The following VPS13B variants were observed in gnomAD, a reference collection of about 807,000 sequenced individuals.
The protein encoded by VPS13B is intermembrane lipid transfer protein VPS13B.
In VPS13B, 285 loss-of-function variants were observed where a neutral mutation model predicts 426.4. The observed-to-expected ratio is 0.67, with a 90% CI of 0.61 to 0.74. The LOEUF (loss-of-function observed/expected upper bound fraction) is 0.74, where lower values mean the gene tolerates loss of function less well. VPS13B is among the 30% of genes least tolerant of loss of function. VPS13B has a pLI of 0.00. For missense variants in VPS13B, 4,537 were observed against 4,782.6 expected (o/e 0.95, Z 1.51); for synonymous variants, 1,676 against 1,676.4 (o/e 1.00, Z 0.01).
At chr8:99,300,193 T>G (rs576514814) in intron 19 of VPS13B, among the ~76,000 whole-genome samples, 1 of 152,282 alleles carries the variant, frequency 6.6e-6, no homozygotes, top group Admixed American at 6.5e-5. Context: ...CACAACATTT[T>G]GAGGTTTTCA....
chr8:99,755,035 T>A (rs1238879837), intron 39 of VPS13B, among the ~76,000 whole-genome samples: 2 of 152,088 alleles, frequency 1.3e-5, no homozygotes, highest in African/African-American at 4.8e-5. Flanking sequence ...AAAACGGGAA[T>A]GAGATGTCCA....
intron 39 of VPS13B, among the ~76,000 whole-genome samples, chr8:99,752,994 C>G (rs1276858315): frequency 6.6e-6 from 1 of 152,086 alleles, no homozygotes; most frequent in African/African-American, 2.4e-5. Context: ...TCTGGAATCT[C>G]CAGGAGTCCC....
At chr8:99,514,188 T>C (rs1821938829) in intron 29 of VPS13B, among the ~76,000 whole-genome samples, 2 of 152,196 alleles carry the variant, frequency 1.3e-5, no homozygotes, top group Non-Finnish European at 2.9e-5. Flanking sequence ...TGGATAGGTC[T>C]TATTTATAGT....
rs374564734 is a variant in VPS13B, at chr8:99,809,552, A to G, written c.8097+22A>G. On this transcript the variant is annotated intron_variant, in intron 44 of 61. Transcript: ENST00000357162. ...ACAGGTAAGTTTCTTTGTGTTCATGACCCAGACACCTCTTAATTATTCAGT... is the reference window on the plus strand; with the variant it reads ...ACAGGTAAGTTTCTTTGTGTTCATGGCCCAGACACCTCTTAATTATTCAGT... 17 of 1,613,606 alleles carry G rather than the reference A, an allele frequency of 1.1e-5. No homozygotes were observed. In the African/African-American group the frequency reaches 2.0e-4, roughly 19 times the overall value.
intron 33 of VPS13B, among the ~76,000 whole-genome samples, chr8:99,583,116 C>A (rs1032340508): frequency 6.6e-6 from 1 of 152,158 alleles, no homozygotes; most frequent in Non-Finnish European, 1.5e-5. Flanking sequence ...GCTTTTCCCC[C>A]CAGAGCCATT....
intron 17 of VPS13B, chr8:99,234,008 C>A (rs1816501936): frequency 2.6e-6 from 2 of 774,916 alleles, no homozygotes; most frequent in Admixed American, 1.7e-5. Flanking sequence ...TATGGTCAAG[C>A]CCTCCTTTCA....
At chr8:99,381,656 A>G (rs775130061) in intron 19 of VPS13B, among the ~76,000 whole-genome samples, 1 of 151,960 alleles carries the variant, frequency 6.6e-6, no homozygotes. Flanking sequence ...CTAATGATCA[A>G]TGATGTTGAG....
chr8:99,816,372 G>T (rs1355046812), intron 44 of VPS13B, among the ~76,000 whole-genome samples: 1 of 152,062 alleles, frequency 6.6e-6, no homozygotes, highest in Non-Finnish European at 1.5e-5. Context: ...AAACTGCTGG[G>T]ATTACAGGCG....
chr8:99,709,971 G>T (rs559181205), intron 36 of VPS13B, among the ~76,000 whole-genome samples: 1 of 152,232 alleles, frequency 6.6e-6, no homozygotes, highest in East Asian at 1.9e-4. Flanking sequence ...AGAATTTAAA[G>T]TTTTTAAAAA....
intron 5 of VPS13B, 108 bp from the exon 6 acceptor site, chr8:99,110,990 C>G: frequency 1.2e-6 from 1 of 847,408 alleles, no homozygotes. Context: ...CTCCATGAAT[C>G]TTATTTTCTG....
chr8:99,157,710 T>TGAA (rs916631736), intron 15 of VPS13B, among the ~76,000 whole-genome samples: 15 of 152,156 alleles, frequency 9.9e-5, no homozygotes, highest in Non-Finnish European at 1.5e-5. Context: ...TTAACCTTAA[T>TGAA]GAAGAAGGCA....
At position 99,853,736 on chromosome 8, in the gene VPS13B, A is replaced by G; in HGVS notation, c.10347A>G (p.Glu3449=). The G allele has an allele frequency of 6.2e-7, 1 of 1,614,226 alleles. No individual in the cohort carries two copies. The part of the protein sequence containing the change: ...FHFAVLVCQG[E]KAEPIQCSKM... ...TTGCTGTCTTAGTCTGCCAGGGAGA[A>G]AAAGCAGAACCCATTCAGTGTTCCA... Residue 3449 remains glutamate, a synonymous_variant, in exon 56 of 62, where the codon GAA becomes GAG. Transcript: ENST00000357162.
At chr8:99,642,604 T>G (rs1829414288) in intron 34 of VPS13B, 106 bp downstream of exon 34, 1 of 995,442 alleles carries the variant, frequency 1.0e-6, no homozygotes, top group East Asian at 2.6e-5. Context: ...GACAAAAGTC[T>G]TTTCTCTACA....
At chr8:99,071,788 A>G (rs1020065118) in intron 3 of VPS13B, among the ~76,000 whole-genome samples, 1 of 152,212 alleles carries the variant, frequency 6.6e-6, no homozygotes, top group East Asian at 1.9e-4. Context: ...CCAAGCCACA[A>G]GACAAAGTTC....
chr8:99,300,888 T>G (rs1015850468), intron 19 of VPS13B, among the ~76,000 whole-genome samples: 2 of 151,122 alleles, frequency 1.3e-5, no homozygotes, highest in Non-Finnish European at 3.0e-5. Flanking sequence ...TAGTTTTTTT[T>G]TTTTTTTTTT....
At chr8:99,488,830 G>C (rs1303880520) in intron 25 of VPS13B, among the ~76,000 whole-genome samples, 1 of 152,106 alleles carries the variant, frequency 6.6e-6, no homozygotes, top group Non-Finnish European at 1.5e-5. Context: ...CCATTCTGTA[G>C]GTTGCCTGTT....
At chr8:99,268,258 G>C (rs578050812) in intron 17 of VPS13B, among the ~76,000 whole-genome samples, 1 of 152,236 alleles carries the variant, frequency 6.6e-6, no homozygotes, top group African/African-American at 2.4e-5. Flanking sequence ...CCCCCACACA[G>C]AGTCCCTACT....
At chr8:99,715,361 T>A (rs1223091329) in intron 36 of VPS13B, among the ~76,000 whole-genome samples, 1 of 152,190 alleles carries the variant, frequency 6.6e-6, no homozygotes, top group Non-Finnish European at 1.5e-5. Flanking sequence ...GCATGGTCAG[T>A]ACTAGAGGTT....
chr8:99,348,287 A>C (rs1293066134), intron 19 of VPS13B: 1 of 152,238 alleles, frequency 6.6e-6, no homozygotes, highest in Non-Finnish European at 1.5e-5. Flanking sequence ...CAACAGGGTT[A>C]CTAATAGAGT....
Sources: allele counts gnomAD v4.1 joint callset (sites outside exome capture counted in the v4.1 genomes callset), GRCh38; gene constraint gnomAD v4.1.1; transcripts MANE v1.5; gene names NCBI Gene and HGNC (gene_info 2026-07-23, HGNC 2026-07-21).